DOK6: variants seen among roughly 807,000 people sequenced by gnomAD.
The protein encoded by DOK6 is docking protein 6.
A neutral mutation model predicts 44.0 loss-of-function variants in DOK6; 22 were observed. The ratio of observed to expected loss-of-function variants is 0.50; its 90% CI spans 0.36 to 0.71. The LOEUF is 0.71. Among genes scored for constraint, DOK6 ranks in the 30% least tolerant of loss-of-function variants. DOK6 has a pLI of 0.00. For synonymous variants in DOK6, 166 were observed against 145.5 expected (o/e 1.14, Z -1.01); for missense variants, 340 against 416.4 (o/e 0.82, Z 1.60).
At chr18:69,490,032 G>A (rs1293718417) in intron 1 of DOK6, among the ~76,000 whole-genome samples, 1 of 151,972 alleles carries the variant, frequency 6.6e-6, no homozygotes, top group African/African-American at 2.4e-5. Context: ...TACATATTCA[G>A]AAGACATGCC....
intron 7 of DOK6, among the ~76,000 whole-genome samples, chr18:69,818,927 T>C (rs185764247): frequency 2.6e-5 from 4 of 152,338 alleles, no homozygotes; most frequent in East Asian, 1.9e-4. Flanking sequence ...ATACTTCCCA[T>C]TGGGCTTGCC....
intron 4 of DOK6, among the ~76,000 whole-genome samples, chr18:69,693,780 C>T (rs931776316): frequency 2.0e-5 from 3 of 152,086 alleles, no homozygotes; most frequent in Middle Eastern, 3.4e-3. Context: ...CTATTTAGGC[C>T]GGGCGCGGTG....
chr18:69,652,720 G>A (rs181203803), intron 3 of DOK6, among the ~76,000 whole-genome samples: 9 of 152,204 alleles, frequency 5.9e-5, no homozygotes, highest in Admixed American at 3.9e-4. Context: ...GCTGAGCACC[G>A]TGGCCTTGGC....
intron 1 of DOK6, among the ~76,000 whole-genome samples, chr18:69,405,077 C>A (rs1916176541): frequency 6.6e-6 from 1 of 152,112 alleles, no homozygotes; most frequent in African/African-American, 2.4e-5. Flanking sequence ...ATGAGCTGAG[C>A]ACCTATTGAG....
intron 4 of DOK6, among the ~76,000 whole-genome samples, chr18:69,696,989 A>G (rs564269275): frequency 3.9e-5 from 6 of 152,218 alleles, no homozygotes; most frequent in Non-Finnish European, 8.8e-5. Context: ...CCATACACAT[A>G]TTAGTTTCAT....
chr18:69,565,190 A>G (rs543187285), intron 2 of DOK6, among the ~76,000 whole-genome samples: 1 of 152,320 alleles, frequency 6.6e-6, no homozygotes, highest in African/African-American at 2.4e-5. Context: ...TAGTAATACA[A>G]AGGATTCATG....
At chr18:69,413,621 A>T (rs1045835002) in intron 1 of DOK6, among the ~76,000 whole-genome samples, 20 of 152,086 alleles carry the variant, frequency 1.3e-4, no homozygotes, top group African/African-American at 4.1e-4. Flanking sequence ...CAGGTCACAG[A>T]CTTAAATATA....
At chr18:69,691,138 G>A (rs1010607535) in intron 4 of DOK6, among the ~76,000 whole-genome samples, 3 of 151,530 alleles carry the variant, frequency 2.0e-5, no homozygotes, top group South Asian at 2.1e-4. Flanking sequence ...AGCCAAGATC[G>A]TACCATTGCA....
At chr18:69,679,373 C>G (rs1005027676) in intron 4 of DOK6, among the ~76,000 whole-genome samples, 4 of 152,120 alleles carry the variant, frequency 2.6e-5, no homozygotes, top group Non-Finnish European at 5.9e-5. Flanking sequence ...AAGTTTTTTT[C>G]TGCTCGTGGA....
intron 1 of DOK6, among the ~76,000 whole-genome samples, chr18:69,446,300 C>T (rs1428786109): frequency 6.7e-5 from 10 of 148,710 alleles, no homozygotes; most frequent in Non-Finnish European, 1.2e-4. Context: ...AGTGAGAACA[C>T]GCGGTGTTTG....
intron 1 of DOK6, among the ~76,000 whole-genome samples, chr18:69,507,865 G>A (rs1981239586): frequency 6.6e-6 from 1 of 151,840 alleles, no homozygotes; most frequent in Non-Finnish European, 1.5e-5. Flanking sequence ...TAGCCTTGTT[G>A]CACTGACTGG....
rs1306158483 is a variant in DOK6 at position 69,417,000 on chromosome 18, A to G, written c.66+15690A>G. Among the ~76,000 whole-genome samples the G allele has an allele frequency of 3.3e-5, 5 of 152,292 alleles. No homozygotes were observed. In the East Asian group the frequency reaches 9.6e-4, roughly 29 times the overall value. On this transcript the variant is annotated intron_variant, in intron 1 of 7. Transcript: ENST00000382713. ...GGAATACATGTAATATTTTGATACA[A>G]TAATGCAATGTATAATGATCAAATC...
intron 7 of DOK6, among the ~76,000 whole-genome samples, chr18:69,775,960 A>G (rs1980050090): frequency 6.6e-6 from 1 of 151,954 alleles, no homozygotes; most frequent in Non-Finnish European, 1.5e-5. Flanking sequence ...CCTTGAGTGT[A>G]TTTTAAGTTT....
Position 69,817,718 on chromosome 18 carries a change from G to C in DOK6, c.857-23526G>C, listed in dbSNP as rs145668005. Reference sequence around the variant, plus strand: ...GTCTTCAAGTACAGTCACATTGTGAGTGAAGGCTTCAACATATGCATTTTG... The same window carrying C: ...GTCTTCAAGTACAGTCACATTGTGACTGAAGGCTTCAACATATGCATTTTG... On this transcript the variant is annotated intron_variant, in intron 7 of 7. Transcript: ENST00000382713. Among the ~76,000 whole-genome samples the C allele has an allele frequency of 3.3e-5, 5 of 152,278 alleles. No homozygotes were observed. The East Asian group carries it at 9.7e-4, about 29-fold the overall frequency.
intron 1 of DOK6, among the ~76,000 whole-genome samples, chr18:69,455,065 A>AAAAG (rs1979589027): frequency 2.0e-5 from 3 of 149,174 alleles, no homozygotes; most frequent in Admixed American, 6.8e-5. Context: ...ATAATAAAAA[A>AAAAG]AAAAGAAAAG....
At chr18:69,568,327 G>A (rs112964678) in intron 2 of DOK6, among the ~76,000 whole-genome samples, 132 of 152,328 alleles carry the variant, frequency 8.7e-4, no homozygotes, top group Middle Eastern at 3.4e-3. Context: ...CCTGCACTCC[G>A]ATCCTGCTGA....
At position 69,433,003 on chromosome 18, in the gene DOK6, AT is replaced by A. The variant is rs142857493; in HGVS notation, c.66+31696del. 5.3e-5 allele frequency among the ~76,000 whole-genome samples: 8 copies of A among 152,230 alleles called. No homozygotes were observed. The East Asian group carries it at 1.5e-3, about 29-fold the overall frequency. On this transcript the variant is annotated intron_variant, in intron 1 of 7. Coordinates refer to ENST00000382713, the MANE Select transcript of DOK6 (RefSeq NM_152721.6). ...GTCTGCTTGACCTCAAAGCACAGTG[AT>A]TTATTTGTTTTGATGGTTTTGATTA...
Position 69,514,708 on chromosome 18 carries a change from GTT to G in DOK6, c.67-49774_67-49773del, listed in dbSNP as rs1274287770. On this transcript the variant is annotated intron_variant, in intron 1 of 7. Transcript: ENST00000382713. The stretch of plus-strand genomic sequence containing the variant: ...CTTTCATCTAAACAAATTTGGGTAG[GTT>G]TTTTGTTTTTTTTTAAGAAACTATT... 3.3e-5 allele frequency among the ~76,000 whole-genome samples: 4 copies of G among 121,114 alleles called. No homozygotes were observed. In the East Asian group the frequency reaches 8.5e-4, roughly 26 times the overall value. 79.5% of individuals were successfully genotyped at this position (121,114 alleles called of 152,430 possible).
chr18:69,553,340 G>C (rs543539764), intron 1 of DOK6, among the ~76,000 whole-genome samples: 7 of 152,308 alleles, frequency 4.6e-5, no homozygotes, highest in Admixed American at 3.9e-4. Flanking sequence ...AGAATAAAGA[G>C]ACATAAATCA....
Sources: allele counts gnomAD v4.1 joint callset (sites outside exome capture counted in the v4.1 genomes callset), GRCh38; gene constraint gnomAD v4.1.1; transcripts MANE v1.5; gene names NCBI Gene and HGNC (gene_info 2026-07-23, HGNC 2026-07-21).